The following UBN1 variants were observed in gnomAD, a reference collection of about 807,000 sequenced individuals.
UBN1 encodes ubinuclein 1, also known as ubinuclein-1.
A neutral mutation model predicts 108.5 loss-of-function variants in UBN1; 17 were observed. That is an observed-to-expected ratio of 0.16 (90% CI 0.11 to 0.24). UBN1 has a LOEUF of 0.24. Among genes scored for constraint, UBN1 ranks in the 10% least tolerant of loss-of-function variants. UBN1 has a pLI of 1.00. For synonymous variants in UBN1, 726 were observed against 564.2 expected (o/e 1.29, Z -4.07); for missense variants, 1,595 against 1,394.4 (o/e 1.14, Z -2.29).
chr16:4,850,387 G>C (rs558004547), intron 1 of UBN1, among the ~76,000 whole-genome samples: 33 of 152,204 alleles, frequency 2.2e-4, no homozygotes, highest in Admixed American at 5.9e-4. Context: ...AGGGGGAGTA[G>C]GACCTGGTTG....
In UBN1 at chr16:4,877,724, G is replaced by C. The variant is rs999479348; in HGVS notation, c.3355+250G>C. 9 of 1,218,096 alleles carry C rather than the reference G, an allele frequency of 7.4e-6. No homozygotes were observed. The highest frequency in any genetic ancestry group is 6.1e-6 in the Non-Finnish European group (6 of 978,612). The allele number at this position is 1,218,096 out of a possible 1,614,324, so 75.5% of individuals were successfully genotyped here. ...CCTGTGTGATCACAGGGAAAGTTGCGGGGGGCAGGGTGGTGCGCTTTTGTG... is the reference window on the plus strand; with the variant it reads ...CCTGTGTGATCACAGGGAAAGTTGCCGGGGGCAGGGTGGTGCGCTTTTGTG... On this transcript the variant is annotated intron_variant, in intron 17 of 17. Transcript: ENST00000262376. This position sits in a 1 kb window ranked among gnomAD's most constrained non-coding sequence, Gnocchi z 4.3.
In UBN1 at chr16:4,863,901, C is replaced by T. The variant is rs541360557; in HGVS notation, c.1110+2799C>T. The stretch of plus-strand genomic sequence containing the variant: ...GGGGAAAGGTGGAAGCTGCAGGGCC[C>T]TTGAGAGCTAGCCTTAGAGGCTATG... On this transcript the variant is annotated intron_variant, in intron 7 of 17. Coordinates refer to ENST00000262376, the MANE Select transcript of UBN1 (RefSeq NM_001079514.3). Among the ~76,000 whole-genome samples, 3 of 152,190 alleles carry T rather than the reference C, an allele frequency of 2.0e-5. No individual in the cohort carries two copies. The East Asian group carries it at 5.8e-4, about 29-fold the overall frequency.
At chr16:4,867,452 TTGG>T (rs1166867351) in intron 7 of UBN1, among the ~76,000 whole-genome samples, 7 of 152,202 alleles carry the variant, frequency 4.6e-5, no homozygotes, top group African/African-American at 1.7e-4. Flanking sequence ...CAGTTGGATT[TTGG>T]TATATACGGG....
intron 2 of UBN1, among the ~76,000 whole-genome samples, chr16:4,856,788 A>G (rs2086830894): frequency 6.6e-6 from 1 of 152,220 alleles, no homozygotes; most frequent in Non-Finnish European, 1.5e-5. Context: ...ATCATTGTAG[A>G]AAAATTAGAA....
chr16:4,862,992 G>T (rs764079551), intron 7 of UBN1, among the ~76,000 whole-genome samples: 13 of 152,218 alleles, frequency 8.5e-5, no homozygotes, highest in African/African-American at 3.1e-4. Context: ...CAGTATTCAA[G>T]TGTGAAGTTG....
chr16:4,861,929 A>G (rs1341807962), intron 7 of UBN1, among the ~76,000 whole-genome samples: 1 of 152,324 alleles, frequency 6.6e-6, no homozygotes, highest in East Asian at 1.9e-4. Flanking sequence ...GCCACAGAGC[A>G]AGATTCCATT....
chr16:4,878,736 C>T (rs950167365), intron 17 of UBN1, among the ~76,000 whole-genome samples: 3 of 152,174 alleles, frequency 2.0e-5, no homozygotes, highest in African/African-American at 4.8e-5. Flanking sequence ...TGAGGCCGGA[C>T]GCGGTGGCTA....
At chr16:4,863,893 G>T (rs1016034150) in intron 7 of UBN1, among the ~76,000 whole-genome samples, 1 of 152,080 alleles carries the variant, frequency 6.6e-6, no homozygotes, top group Non-Finnish European at 1.5e-5. Flanking sequence ...GGTGGAAGCT[G>T]CAGGGCCCTT....
chr16:4,874,749 A>G lies in UBN1; in HGVS notation c.2339A>G (p.Lys780Arg). ...GGCCTGCCAGAAGTACATCAGTCCA[A>G]AGCTAAGCACCACAGCTTGCCACGG... The part of the protein sequence containing the change: ...NKGLPEVHQS[K>R]AKHHSLPRTS... The change falls in exon 15 of 18, where the codon AAA (lysine) becomes AGA (arginine). Residue 780 changes from lysine (K) to arginine (R), a missense_variant. By Grantham distance (26) the Lys-to-Arg change is conservative. Coordinates refer to ENST00000262376, the MANE Select transcript of UBN1 (RefSeq NM_001079514.3). The G allele has an allele frequency of 6.2e-7, 1 of 1,614,060 alleles. No homozygotes were observed. The highest frequency in any genetic ancestry group is 1.1e-5 in the South Asian group (1 of 91,078).
Position 4,881,436 on chromosome 16 carries a change from G to C in UBN1, c.*1304G>C. On this transcript the variant is annotated 3_prime_UTR_variant, in exon 18 of 18. Coordinates refer to ENST00000262376, the MANE Select transcript of UBN1 (RefSeq NM_001079514.3). ...CACAAGGATTTGAGGGCACTTGCCT[G>C]TCTTGTGAGGTCTGTGCCACAAGGT... The C allele has an allele frequency of 6.6e-6, 1 of 151,612 alleles. No homozygotes were observed. Among genetic ancestry groups the C allele is most frequent in the Admixed American group, 6.5e-5 (1 of 15,276 alleles). The allele number at this position is 151,612 out of a possible 1,614,324, so 9.4% of individuals were successfully genotyped here. A position where few individuals can be genotyped will look rare whatever the true frequency, so the allele number is the denominator to read the frequency against.
At chr16:4,864,161 A>G (rs915957268) in intron 7 of UBN1, among the ~76,000 whole-genome samples, 2 of 147,994 alleles carry the variant, frequency 1.4e-5, no homozygotes, top group African/African-American at 5.0e-5. Flanking sequence ...GCTCACTGCA[A>G]CATCCACCTC....
chr16:4,863,023 C>T (rs1197965249), intron 7 of UBN1, among the ~76,000 whole-genome samples: 2 of 152,168 alleles, frequency 1.3e-5, no homozygotes, highest in Non-Finnish European at 2.9e-5. Context: ...CTTCACATTG[C>T]CCTTCTCCTA....
intron 7 of UBN1, among the ~76,000 whole-genome samples, chr16:4,865,183 A>G (rs927593774): frequency 1.4e-5 from 2 of 142,150 alleles, no homozygotes; most frequent in Admixed American, 6.7e-5. Flanking sequence ...TATATATCCA[A>G]TTGCTCTTTT....
chr16:4,853,998 C>T (rs1306986316), intron 2 of UBN1, among the ~76,000 whole-genome samples: 1 of 152,130 alleles, frequency 6.6e-6, no homozygotes, highest in Non-Finnish European at 1.5e-5. Context: ...GCAACCACTG[C>T]CCTGATTTCT....
rs749942346 is a variant in UBN1, at chr16:4,868,994, G to C, written c.1181+91G>C. 9.1e-6 allele frequency: 12 copies of C among 1,321,250 alleles called. No individual in the cohort carries two copies. In the Middle Eastern group the frequency reaches 1.7e-3, roughly 183 times the overall value. The allele number at this position is 1,321,250 out of a possible 1,614,324, so 81.8% of individuals were successfully genotyped here. A position where few individuals can be genotyped will look rare whatever the true frequency, so the allele number is the denominator to read the frequency against. ...GCTAGGGGACAGTGGGAGTACAATT[G>C]AACTGCATAAAGGTGACCACCAAGG... On this transcript the variant is annotated intron_variant, in intron 8 of 17. Transcript: ENST00000262376.
intron 15 of UBN1, among the ~76,000 whole-genome samples, chr16:4,876,236 G>A (rs1489007294): frequency 1.3e-5 from 2 of 152,112 alleles, no homozygotes; most frequent in African/African-American, 4.8e-5. Flanking sequence ...GGGATTGCAG[G>A]TGTGAGCCAC....
intron 15 of UBN1, 139 bp from the exon 16 acceptor site, chr16:4,876,732 C>A (rs1281940235): frequency 3.0e-6 from 4 of 1,339,712 alleles, no homozygotes; most frequent in Non-Finnish European, 4.0e-6. Context: ...TCGGAGGGTG[C>A]CTCCCAGGGC....
At chr16:4,849,540 T>C (rs376898706) in intron 1 of UBN1, among the ~76,000 whole-genome samples, 1 of 152,000 alleles carries the variant, frequency 6.6e-6, no homozygotes, top group African/African-American at 2.4e-5. Context: ...CAAGGAAGGC[T>C]AGTATTTTCT....
Position 4,877,933 on chromosome 16 carries a change from T to C in UBN1, c.3355+459T>C. ...GAAGGCTCTCTAAACTTTGTTTCCATTAAAGGGAAAATCCAGGTAGCAGCC... is the reference window on the plus strand; with the variant it reads ...GAAGGCTCTCTAAACTTTGTTTCCACTAAAGGGAAAATCCAGGTAGCAGCC... On this transcript the variant is annotated intron_variant, in intron 17 of 17. Transcript: ENST00000262376. The surrounding 1 kb of genome is among the most constrained non-coding windows in gnomAD (Gnocchi z 4.3). 1.3e-6 allele frequency: 1 copy of C among 775,772 alleles called. No homozygotes were observed. Among genetic ancestry groups the C allele is most frequent in the East Asian group, 1.3e-4 (1 of 7,876 alleles). The allele number at this position is 775,772 out of a possible 1,614,324, so 48.1% of individuals were successfully genotyped here.
Sources: gnomAD v4.1 joint callset for allele counts (sites outside exome capture counted in the v4.1 genomes callset) on GRCh38, gnomAD v4.1.1 for gene constraint, Gnocchi (gnomAD v3.1) non-coding constraint, MANE v1.5 for transcripts, NCBI Gene and HGNC (gene_info 2026-07-23, HGNC 2026-07-21) for gene names.